The following GNG2 variants were observed in gnomAD, a reference collection of about 807,000 sequenced individuals.
The protein encoded by GNG2 is G protein subunit gamma 2.
GNG2 carries 5 observed loss-of-function variants against 5.5 expected under a neutral mutation model. The observed-to-expected ratio is 0.91, with a 90% CI of 0.48 to 1.92. GNG2 has a LOEUF of 1.92. Among genes scored for constraint, GNG2 ranks in the 30% most tolerant of loss-of-function variants. GNG2 has a pLI of 0.01. For missense variants in GNG2, 55 were observed against 88.4 expected (o/e 0.62, Z 1.52); for synonymous variants, 28 against 32.0 (o/e 0.88, Z 0.42).
rs546757504 is a variant in GNG2, at chr14:51,936,101, G to A, written c.-29-14549G>A. ...GGACCGCCAGAACTGGACCAAACTT[G>A]TTAAATAAAACACAGTGCCACTCTG... On this transcript the variant is annotated intron_variant, in intron 2 of 3. Transcript: ENST00000556766. Among the ~76,000 whole-genome samples the A allele has an allele frequency of 3.9e-5, 6 of 152,256 alleles. 1 individual carries two copies. The highest frequency in any genetic ancestry group is 1.4e-4 in the African/African-American group (6 of 41,544).
At chr14:51,857,170 G>A (rs1040987001), upstream of GNG2, among the ~76,000 whole-genome samples, 1 of 152,218 alleles carries the variant, frequency 6.6e-6, no homozygotes, top group African/African-American at 2.4e-5. Context: ...CAAGGCACCA[G>A]TCATACTCAC....
At chr14:51,900,351 AAC>A (rs1358711393) in intron 2 of GNG2, among the ~76,000 whole-genome samples, 1 of 152,106 alleles carries the variant, frequency 6.6e-6, no homozygotes, top group African/African-American at 2.4e-5. Flanking sequence ...AGATTTGATT[AAC>A]TCACTGAAGG....
chr14:51,827,646 C>A (rs1018507246), intron 1 of GNG2: 16 of 696,256 alleles, frequency 2.3e-5, no homozygotes, highest in Non-Finnish European at 3.9e-5. Context: ...TGTTCATCCA[C>A]GTATATGTTT....
chr14:51,916,463 T>C (rs1301889906), intron 2 of GNG2: 1 of 454,212 alleles, frequency 2.2e-6, no homozygotes, highest in African/African-American at 2.0e-5. Context: ...AGGATGCCAG[T>C]GTTATAACAT....
chr14:51,906,757 C>CTTTTTTTTTTT (rs34240079), intron 2 of GNG2, among the ~76,000 whole-genome samples: 9,326 of 104,436 alleles, frequency 0.089, 1,432 homozygotes, highest in African/African-American at 0.24. Context: ...TGGAGAATCT[C>CTTTTTTTTTTT]TTTTTTTTTT....
At chr14:51,833,351 C>T (rs1208479922) in intron 2 of GNG2, among the ~76,000 whole-genome samples, 1 of 152,120 alleles carries the variant, frequency 6.6e-6, no homozygotes, top group Non-Finnish European at 1.5e-5. Context: ...TTTTTCCAGT[C>T]CCTCTTTGTT....
intron 2 of GNG2, among the ~76,000 whole-genome samples, chr14:51,879,489 G>T (rs1883898372): frequency 6.6e-6 from 1 of 152,196 alleles, no homozygotes; most frequent in South Asian, 2.1e-4. Context: ...TACAAACCTA[G>T]TGGCTTAGAA....
intron 2 of GNG2, among the ~76,000 whole-genome samples, chr14:51,830,138 G>A (rs1258703567): frequency 1.3e-5 from 2 of 152,238 alleles, no homozygotes; most frequent in Admixed American, 6.5e-5. Flanking sequence ...ACCATGCCCA[G>A]CTCACTCCCT....
At chr14:51,891,390 G>T (rs1183395230) in intron 2 of GNG2, among the ~76,000 whole-genome samples, 15 of 152,108 alleles carry the variant, frequency 9.9e-5, no homozygotes. Flanking sequence ...CATTCTTTCT[G>T]TGTCTATATG....
upstream of GNG2, among the ~76,000 whole-genome samples, chr14:51,858,462 G>T (rs1253294881): frequency 6.6e-6 from 1 of 152,114 alleles, no homozygotes; most frequent in Non-Finnish European, 1.5e-5. Context: ...GTTTGAAAGA[G>T]GTTTTCCTAT....
At chr14:51,888,237 CTATTG>C (rs1884598337) in intron 2 of GNG2, among the ~76,000 whole-genome samples, 1 of 152,150 alleles carries the variant, frequency 6.6e-6, no homozygotes, top group African/African-American at 2.4e-5. Context: ...GGGTAGTATT[CTATTG>C]TATTGGTATA....
chr14:51,852,924 A>C (rs1229851255), intron 2 of GNG2, among the ~76,000 whole-genome samples: 1 of 152,146 alleles, frequency 6.6e-6, no homozygotes, highest in Non-Finnish European at 1.5e-5. Context: ...AGTCAAGAAC[A>C]GATTTTTTTT....
chr14:51,832,290 AAAAAAAG>A (rs1167565815), intron 2 of GNG2, among the ~76,000 whole-genome samples: 1 of 152,132 alleles, frequency 6.6e-6, no homozygotes, highest in African/African-American at 2.4e-5. Flanking sequence ...GGGAGAAAAA[AAAAAAAG>A]AAAAGAAAAA....
intron 2 of GNG2, among the ~76,000 whole-genome samples, chr14:51,904,309 T>G (rs1885764252): frequency 6.6e-6 from 1 of 152,198 alleles, no homozygotes; most frequent in South Asian, 2.1e-4. Context: ...GGCAGGAGCC[T>G]GAGTGTGTAC....
chr14:51,965,429 T>A (rs767292099), intron 3 of GNG2, among the ~76,000 whole-genome samples: 1 of 152,172 alleles, frequency 6.6e-6, no homozygotes, highest in Non-Finnish European at 1.5e-5. Context: ...TAGATGACTT[T>A]TAGTTTATTT....
intron 1 of GNG2, among the ~76,000 whole-genome samples, chr14:51,873,271 G>C (rs1056880793): frequency 1.3e-5 from 2 of 152,170 alleles, no homozygotes; most frequent in African/African-American, 4.8e-5. Flanking sequence ...TGTGTCTGGG[G>C]CTTCTGGGGG....
intron 2 of GNG2, among the ~76,000 whole-genome samples, chr14:51,880,550 A>G (rs1477962027): frequency 6.6e-6 from 1 of 152,186 alleles, no homozygotes; most frequent in African/African-American, 2.4e-5. Flanking sequence ...CTGGAAATTT[A>G]TGGTGAAGAT....
intron 2 of GNG2, among the ~76,000 whole-genome samples, chr14:51,944,346 GGCTGTTTTTTT>G (rs889497078): frequency 8.5e-5 from 13 of 152,156 alleles, no homozygotes; most frequent in African/African-American, 2.9e-4. Flanking sequence ...ATTTGGAAAC[GGCTGTTTTTTT>G]GCTGTTTACT....
chr14:51,870,295 G>A (rs2140120020), intron 1 of GNG2, among the ~76,000 whole-genome samples: 1 of 151,904 alleles, frequency 6.6e-6, no homozygotes, highest in East Asian at 1.9e-4. Context: ...GATCTAGGTA[G>A]GCCAGAGGAA....
Sources: allele counts gnomAD v4.1 joint callset (sites outside exome capture counted in the v4.1 genomes callset), GRCh38; gene constraint gnomAD v4.1.1; transcripts MANE v1.5; gene names NCBI Gene and HGNC (gene_info 2026-07-23, HGNC 2026-07-21).